SSBP2: variants seen among roughly 807,000 people sequenced by gnomAD.
The protein encoded by SSBP2 is single stranded DNA binding protein 2.
SSBP2 carries 17 observed loss-of-function variants against 61.8 expected under a neutral mutation model. That is an observed-to-expected ratio of 0.28 (90% CI 0.19 to 0.41). The LOEUF is 0.41. SSBP2 is among the 10% of genes least tolerant of loss of function. The pLI, the probability that SSBP2 is intolerant of heterozygous loss-of-function variation, is 1.00. For synonymous variants in SSBP2, 139 were observed against 141.3 expected, an observed-to-expected ratio of 0.98 and a Z score of 0.12; for missense variants, 310 against 458.7, an observed-to-expected ratio of 0.68 and a Z score of 2.96.
intron 1 of SSBP2, among the ~76,000 whole-genome samples, chr5:81,671,868 C>CAGG (rs1751603787): frequency 6.6e-6 from 1 of 151,894 alleles, no homozygotes; most frequent in African/African-American, 2.4e-5. Context: ...AGGGCTTTAA[C>CAGG]AGGAATTAAG....
At chr5:81,657,241 T>C (rs1047763324) in intron 1 of SSBP2, among the ~76,000 whole-genome samples, 5 of 152,184 alleles carry the variant, frequency 3.3e-5, no homozygotes, top group African/African-American at 9.6e-5. Context: ...TAAAATACTA[T>C]TGTAAAGAAT....
chr5:81,722,590 T>C (rs1011542630), intron 1 of SSBP2, among the ~76,000 whole-genome samples: 1 of 151,956 alleles, frequency 6.6e-6, no homozygotes, highest in African/African-American at 2.4e-5. Context: ...CTAAGATTAT[T>C]GCAACAGAGA....
chr5:81,592,281 T>G (rs1031229909), intron 4 of SSBP2, among the ~76,000 whole-genome samples: 2 of 152,072 alleles, frequency 1.3e-5, no homozygotes, highest in Non-Finnish European at 2.9e-5. Context: ...GCAGCGAGGA[T>G]GGGGGAGGGG....
rs540676463 is a variant in SSBP2, at chr5:81,628,995, T to C, written c.197+7562A>G. Among the ~76,000 whole-genome samples the C allele has an allele frequency of 2.7e-5, 4 of 149,372 alleles. No individual in the cohort carries two copies. In the South Asian group the frequency reaches 8.4e-4, roughly 32 times the overall value. On this transcript the variant is annotated intron_variant, in intron 3 of 16. Transcript: ENST00000320672. ...TTTTCTCAACCCTCTTTAATCCATCTTTTTTTTTTGAGACAAGGTCTTGCT... is the reference window on the plus strand; with the variant it reads ...TTTTCTCAACCCTCTTTAATCCATCCTTTTTTTTTGAGACAAGGTCTTGCT...
rs149567650 is a variant in SSBP2, at chr5:81,597,182, A to T, written c.282+18291T>A. Reference sequence around the variant, plus strand: ...TTTACATGAAAAAACAAACAACCCCATCAAAAAGTGGGTGAAGGATATGAA... The same window carrying T: ...TTTACATGAAAAAACAAACAACCCCTTCAAAAAGTGGGTGAAGGATATGAA... On this transcript the variant is annotated intron_variant, in intron 4 of 16. Transcript: ENST00000320672. 6.2e-3 allele frequency among the ~76,000 whole-genome samples: 947 copies of T among 152,306 alleles called. 5 individuals carry two copies. The highest frequency in any genetic ancestry group is 0.02 in the African/African-American group (829 of 41,554).
intron 14 of SSBP2, chr5:81,437,694 C>A: frequency 3.2e-6 from 1 of 308,970 alleles, no homozygotes; most frequent in Non-Finnish European, 6.1e-6. Flanking sequence ...TTTATGGAAG[C>A]ATGAAGAAAA....
intron 1 of SSBP2, among the ~76,000 whole-genome samples, chr5:81,747,024 G>C (rs933840330): frequency 9.1e-6 from 1 of 110,184 alleles, no homozygotes; most frequent in African/African-American, 3.3e-5. Context: ...AAAATTCCTG[G>C]GGGGGGGGGG....
intron 1 of SSBP2, among the ~76,000 whole-genome samples, chr5:81,748,683 CAATTGA>C (rs1757511946): frequency 6.6e-6 from 1 of 152,146 alleles, no homozygotes; most frequent in Admixed American, 6.5e-5. Context: ...TTCCTGCTGC[CAATTGA>C]AATGAATGGA....
chr5:81,536,205 C>A (rs1770788498), intron 4 of SSBP2, among the ~76,000 whole-genome samples: 1 of 152,008 alleles, frequency 6.6e-6, no homozygotes, highest in South Asian at 2.1e-4. Flanking sequence ...ATTAGAATGG[C>A]CAATATGTAG....
intron 4 of SSBP2, among the ~76,000 whole-genome samples, chr5:81,559,006 A>G (rs540637547): frequency 6.6e-6 from 1 of 152,322 alleles, no homozygotes; most frequent in South Asian, 2.1e-4. Context: ...CTGTAATCCT[A>G]CCACTTTGGG....
chr5:81,597,415 G>C (rs1220121150), intron 4 of SSBP2, among the ~76,000 whole-genome samples: 1 of 152,200 alleles, frequency 6.6e-6, no homozygotes, highest in Non-Finnish European at 1.5e-5. Context: ...TGGTGGGACT[G>C]TAAACTAGTT....
intron 1 of SSBP2, among the ~76,000 whole-genome samples, chr5:81,674,710 T>C (rs571494168): frequency 1.6e-3 from 240 of 152,298 alleles, no homozygotes; most frequent in Non-Finnish European, 2.9e-3. Flanking sequence ...TAAAAAAACA[T>C]ACTTTTATTC....
rs181477100 is a variant in SSBP2, at chr5:81,611,427, G to C, written c.282+4046C>G. 8.2e-3 allele frequency among the ~76,000 whole-genome samples: 1,238 copies of C among 151,776 alleles called. 12 individuals are homozygous for C. The highest frequency in any genetic ancestry group is 0.028 in the African/African-American group (1,161 of 41,410). ...TAAAAATATGACTCTACAAATCTAA[G>C]GTATTTAGATACACTTTTACTTAAA... On this transcript the variant is annotated intron_variant, in intron 4 of 16. Coordinates refer to ENST00000320672, the MANE Select transcript of SSBP2 (RefSeq NM_012446.5).
At chr5:81,632,371 T>C (rs1001383398) in intron 3 of SSBP2, among the ~76,000 whole-genome samples, 1 of 151,972 alleles carries the variant, frequency 6.6e-6, no homozygotes. Context: ...TTTAGACAGT[T>C]AGTGGCAGGC....
chr5:81,706,433 T>C (rs1296698639), intron 1 of SSBP2, among the ~76,000 whole-genome samples: 1 of 152,176 alleles, frequency 6.6e-6, no homozygotes, highest in African/African-American at 2.4e-5. Context: ...CAGCATCACA[T>C]AATATATCCA....
intron 4 of SSBP2, among the ~76,000 whole-genome samples, chr5:81,549,359 G>A (rs1441907550): frequency 2.8e-4 from 42 of 152,140 alleles, no homozygotes; most frequent in Admixed American, 2.5e-3. Flanking sequence ...TGATATATTC[G>A]AGTATCTTCC....
chr5:81,509,808 C>T (rs183337734), intron 5 of SSBP2, among the ~76,000 whole-genome samples: 1 of 152,108 alleles, frequency 6.6e-6, no homozygotes, highest in African/African-American at 2.4e-5. Flanking sequence ...CTAAACTTAT[C>T]CAGAGACCCA....
intron 1 of SSBP2, among the ~76,000 whole-genome samples, chr5:81,660,781 G>GGTCAAGAA (rs1388514904): frequency 6.6e-6 from 1 of 152,092 alleles, no homozygotes; most frequent in East Asian, 1.9e-4. Context: ...TGATAGACTG[G>GGTCAAGAA]GTCAAGAAAA....
chr5:81,455,654 A>AAAT (rs1764092928), intron 10 of SSBP2, among the ~76,000 whole-genome samples: 1 of 151,010 alleles, frequency 6.6e-6, no homozygotes, highest in Non-Finnish European at 1.5e-5. Context: ...AAAAAAAAAA[A>AAAT]ATCCTCCTTC....
Sources: gnomAD v4.1 joint callset for allele counts (sites outside exome capture counted in the v4.1 genomes callset) on GRCh38, gnomAD v4.1.1 for gene constraint, MANE v1.5 for transcripts, NCBI Gene and HGNC (gene_info 2026-07-23, HGNC 2026-07-21) for gene names.